Variants in NPFFR2 observed in about 807,000 individuals in gnomAD.
NPFFR2 encodes G-protein coupled receptor 74.
In NPFFR2, 15 loss-of-function variants were observed where a neutral mutation model predicts 13.1. The observed-to-expected ratio is 1.15, with a 90% CI of 0.77 to 1.76. The LOEUF (loss-of-function observed/expected upper bound fraction) is 1.76. NPFFR2 is among the 40% of genes most tolerant of loss of function. The probability of loss-of-function intolerance (pLI) is 0.00; values close to 1 mark genes in which losing one functional copy is unlikely to be tolerated. For synonymous variants in NPFFR2, 190 were observed against 175.7 expected (o/e 1.08, Z -0.65); for missense variants, 572 against 503.5 (o/e 1.14, Z -1.30).
chr4:72,069,445 A>G (rs1037255693), intron 1 of NPFFR2, among the ~76,000 whole-genome samples: 6 of 152,142 alleles, frequency 3.9e-5, no homozygotes, highest in African/African-American at 1.4e-4. Context: ...ACTTTTAAGT[A>G]TAAAACAGGG....
intron 2 of NPFFR2, among the ~76,000 whole-genome samples, chr4:72,131,039 A>G (rs1722222991): frequency 6.6e-6 from 1 of 151,758 alleles, no homozygotes; most frequent in Non-Finnish European, 1.5e-5. Flanking sequence ...ATAGTCTCCA[A>G]TGCCCAGCTG....
intron 1 of NPFFR2, among the ~76,000 whole-genome samples, chr4:72,123,856 G>A (rs1465108225): frequency 6.6e-6 from 1 of 152,206 alleles, no homozygotes; most frequent in Non-Finnish European, 1.5e-5. Context: ...ACTGGCACAA[G>A]TCAGGGATGA....
chr4:72,051,231 A>G (rs1213110233), intron 1 of NPFFR2, among the ~76,000 whole-genome samples: 1 of 151,868 alleles, frequency 6.6e-6, no homozygotes, highest in Non-Finnish European at 1.5e-5. Context: ...TCCCACCAAC[A>G]GTGTAAATGG....
intron 1 of NPFFR2, among the ~76,000 whole-genome samples, chr4:72,094,233 C>T (rs573164919): frequency 1.1e-4 from 16 of 152,272 alleles, no homozygotes; most frequent in East Asian, 3.9e-4. Context: ...CCGGTGGAGG[C>T]GGCAGGGGAG....
intron 1 of NPFFR2, among the ~76,000 whole-genome samples, chr4:72,058,586 T>TC (rs1719831573): frequency 6.6e-6 from 1 of 152,028 alleles, no homozygotes; most frequent in Admixed American, 6.6e-5. Context: ...GTATGATTGT[T>TC]CTTCCTTATC....
At chr4:72,146,779 G>A (rs768956241) in intron 3 of NPFFR2, among the ~76,000 whole-genome samples, 199 bp from the exon 4 acceptor site, 3 of 152,054 alleles carry the variant, frequency 2.0e-5, no homozygotes, top group Non-Finnish European at 2.9e-5. Flanking sequence ...TACTCCATTT[G>A]TTCAAATTTT....
At chr4:72,070,844 G>A (rs9884144) in intron 1 of NPFFR2, among the ~76,000 whole-genome samples, 1 of 152,030 alleles carries the variant, frequency 6.6e-6, no homozygotes, top group Admixed American at 6.6e-5. Context: ...GATTGAAAAC[G>A]TATTGTATAC....
rs1722837922 is a variant in NPFFR2 at position 72,147,818 on chromosome 4, G to A, written c.*6G>A. The A allele has an allele frequency of 6.5e-7, 1 of 1,536,480 alleles. No individual in the cohort carries two copies. Among genetic ancestry groups the A allele is most frequent in the Non-Finnish European group, 8.7e-7 (1 of 1,144,158 alleles). On this transcript the variant is annotated 3_prime_UTR_variant, in exon 4 of 4. Coordinates refer to ENST00000308744, the MANE Select transcript of NPFFR2 (RefSeq NM_004885.3). ...CTAACAGCAGTGAGATTTAAAAAGA[G>A]CTAGTGTGATAATCCTAACTCTACT...
intron 1 of NPFFR2, among the ~76,000 whole-genome samples, chr4:72,038,400 T>C (rs1458207626): frequency 6.6e-6 from 1 of 152,230 alleles, no homozygotes; most frequent in Non-Finnish European, 1.5e-5. Flanking sequence ...CAGAGTCTAG[T>C]GCATAGTAGA....
In NPFFR2 at chr4:72,147,556, T is replaced by A; in HGVS notation, c.1007T>A (p.Phe336Tyr). Residue 336 changes from phenylalanine (F) to tyrosine (Y), a missense_variant, in exon 4 of 4, where the codon TTC (phenylalanine) becomes TAC (tyrosine). Physicochemically the swap from Phe to Tyr is conservative, Grantham distance 22. Transcript: ENST00000308744. The part of the protein sequence containing the change: ...SSVNPIIYGF[F>Y]NENFRRGFQE... The stretch of plus-strand genomic sequence containing the variant: ...GTCAATCCCATCATTTATGGTTTCT[T>A]CAACGAGAATTTCCGCCGTGGTTTC... 6.2e-7 allele frequency: 1 copy of A among 1,614,178 alleles called. No homozygotes were observed. Among genetic ancestry groups the A allele is most frequent in the Non-Finnish European group, 8.5e-7 (1 of 1,180,036 alleles).
At chr4:72,033,396 G>A (rs1718974105) in intron 1 of NPFFR2, among the ~76,000 whole-genome samples, 1 of 151,926 alleles carries the variant, frequency 6.6e-6, no homozygotes, top group Admixed American at 6.6e-5. Context: ...AGTACCTACT[G>A]CACTATATTT....
chr4:72,061,777 C>T (rs142037817), intron 1 of NPFFR2, among the ~76,000 whole-genome samples: 251 of 151,934 alleles, frequency 1.7e-3, no homozygotes, highest in African/African-American at 5.7e-3. Flanking sequence ...ACACTGGGGC[C>T]TGTTGCGGGG....
At chr4:72,090,792 C>A (rs1720896441) in intron 1 of NPFFR2, among the ~76,000 whole-genome samples, 1 of 152,044 alleles carries the variant, frequency 6.6e-6, no homozygotes, top group Non-Finnish European at 1.5e-5. Flanking sequence ...GTTTTACTTT[C>A]TCTTTACCAA....
intron 3 of NPFFR2, among the ~76,000 whole-genome samples, chr4:72,140,376 A>G (rs1722566670): frequency 1.3e-5 from 2 of 152,204 alleles, no homozygotes; most frequent in Admixed American, 1.3e-4. Flanking sequence ...CCCATTCAGT[A>G]TAATGTTGGC....
chr4:72,122,095 G>T (rs1469070637), intron 1 of NPFFR2, among the ~76,000 whole-genome samples: 1 of 152,024 alleles, frequency 6.6e-6, no homozygotes. Flanking sequence ...AAAAGCAGGG[G>T]TTGCAATCCT....
intron 1 of NPFFR2, among the ~76,000 whole-genome samples, chr4:72,037,648 C>A (rs990569934): frequency 6.6e-6 from 1 of 152,178 alleles, no homozygotes; most frequent in Non-Finnish European, 1.5e-5. Flanking sequence ...TGGAATTCCT[C>A]ATCCTCCACA....
At chr4:72,056,335 G>A (rs549908860) in intron 1 of NPFFR2, among the ~76,000 whole-genome samples, 3 of 151,982 alleles carry the variant, frequency 2.0e-5, no homozygotes, top group Admixed American at 1.3e-4. Context: ...TTTGATGACA[G>A]CACTTCTGTT....
chr4:72,087,067 A>T (rs146737458), intron 1 of NPFFR2, among the ~76,000 whole-genome samples: 58 of 152,182 alleles, frequency 3.8e-4, no homozygotes, highest in African/African-American at 1.3e-3. Flanking sequence ...GGTAGACTCC[A>T]CCAGAAATAC....
At chr4:72,042,568 A>G (rs1719251757) in intron 1 of NPFFR2, among the ~76,000 whole-genome samples, 1 of 152,192 alleles carries the variant, frequency 6.6e-6, no homozygotes, top group Non-Finnish European at 1.5e-5. Flanking sequence ...GCTGATAGTG[A>G]TATGGACAAT....
Sources: allele counts gnomAD v4.1 joint callset (sites outside exome capture counted in the v4.1 genomes callset), GRCh38; gene constraint gnomAD v4.1.1; transcripts MANE v1.5; gene names NCBI Gene and HGNC (gene_info 2026-07-23, HGNC 2026-07-21).